Variants in TRPC4AP observed in about 807,000 individuals in gnomAD.
TRPC4AP encodes the protein transient receptor potential cation channel subfamily C member 4 associated protein.
Under a neutral mutation model 99.0 loss-of-function variants are expected in TRPC4AP, and 45 were observed. The ratio of observed to expected loss-of-function variants is 0.45; its 90% CI spans 0.36 to 0.58. The LOEUF (loss-of-function observed/expected upper bound fraction) is 0.58. Among genes scored for constraint, TRPC4AP ranks in the 20% least tolerant of loss-of-function variants. The probability of loss-of-function intolerance (pLI) is 0.00; values close to 1 mark genes in which losing one functional copy is unlikely to be tolerated. For missense variants in TRPC4AP, 879 were observed against 985.3 expected (o/e 0.89, Z 1.44); for synonymous variants, 408 against 385.8 (o/e 1.06, Z -0.67).
chr20:35,057,833 C>T (rs2083877469), intron 3 of TRPC4AP, among the ~76,000 whole-genome samples: 1 of 152,146 alleles, frequency 6.6e-6, no homozygotes, highest in African/African-American at 2.4e-5. Flanking sequence ...ATTAGGTAAT[C>T]TCTGGGATCT....
At chr20:35,005,301 A>G (rs1174155551) in intron 16 of TRPC4AP, among the ~76,000 whole-genome samples, 1 of 152,146 alleles carries the variant, frequency 6.6e-6, no homozygotes, top group Non-Finnish European at 1.5e-5. Flanking sequence ...CTCTCCTAGG[A>G]AAAAAAGGAA....
intron 3 of TRPC4AP, among the ~76,000 whole-genome samples, chr20:35,068,874 T>C (rs895999315): frequency 1.3e-5 from 2 of 149,370 alleles, no homozygotes; most frequent in Non-Finnish European, 3.0e-5. Context: ...TACAGAATAG[T>C]GTAGCCGTGT....
At position 35,086,483 on chromosome 20, in the gene TRPC4AP, GTGTATATA is replaced by G. The variant is rs1569157676; in HGVS notation, c.168+6123_168+6130del. On this transcript the variant is annotated intron_variant, in intron 1 of 18. Coordinates refer to ENST00000252015, the MANE Select transcript of TRPC4AP (RefSeq NM_015638.3). The stretch of plus-strand genomic sequence containing the variant: ...TGTGTGTGTGTGTGTGTGTATGTGT[GTGTATATA>G]TATATGTGTATATATATGTGTGTGT... Among the ~76,000 whole-genome samples the G allele has an allele frequency of 1.5e-4, 17 of 117,092 alleles. 1 individual carries two copies. Among genetic ancestry groups the G allele is most frequent in the African/African-American group, 6.7e-4 (17 of 25,248 alleles). The allele number at this position is 117,092 out of a possible 152,430, so 76.8% of individuals were successfully genotyped here.
chr20:35,004,116 G>A (rs912103763), intron 17 of TRPC4AP, among the ~76,000 whole-genome samples: 2 of 152,222 alleles, frequency 1.3e-5, no homozygotes, highest in Non-Finnish European at 2.9e-5. Flanking sequence ...AGGAGGCTCA[G>A]AGAAGGGAAG....
At chr20:35,083,121 G>T (rs1396723627) in intron 1 of TRPC4AP, among the ~76,000 whole-genome samples, 12 of 151,998 alleles carry the variant, frequency 7.9e-5, no homozygotes, top group Non-Finnish European at 1.8e-4. Flanking sequence ...CAATCCAAAA[G>T]AACCTAAATG....
At chr20:35,015,736 C>T (rs970988999) in intron 10 of TRPC4AP, among the ~76,000 whole-genome samples, 8 of 152,004 alleles carry the variant, frequency 5.3e-5, no homozygotes, top group East Asian at 3.9e-4. Context: ...GTGATCTGCC[C>T]GCTCGGCCTC....
chr20:35,018,604 G>GAAAAAAAAAAAAAAA lies in TRPC4AP; in HGVS notation c.1219-2480_1219-2466dup, dbSNP rs11479211. Among the ~76,000 whole-genome samples, 108 of 88,872 alleles carry GAAAAAAAAAAAAAAA rather than the reference G, an allele frequency of 1.2e-3. 1 individual carries two copies. Among genetic ancestry groups the GAAAAAAAAAAAAAAA allele is most frequent in the Non-Finnish European group, 1.4e-3 (65 of 46,542 alleles). 58.3% of individuals were successfully genotyped at this position (88,872 alleles called of 152,430 possible). A position where few individuals can be genotyped will look rare whatever the true frequency, so the allele number is the denominator to read the frequency against. ...GCAGAGCAAGACTGTCTCAAAAAAA[G>GAAAAAAAAAAAAAAA]AAAAAAAAAAAAAAAAAAAAAAGAA... On this transcript the variant is annotated intron_variant, in intron 9 of 18. Coordinates refer to ENST00000252015, the MANE Select transcript of TRPC4AP (RefSeq NM_015638.3).
chr20:35,045,374 A>G (rs2147362959), intron 6 of TRPC4AP, among the ~76,000 whole-genome samples: 1 of 152,228 alleles, frequency 6.6e-6, no homozygotes, highest in Admixed American at 6.5e-5. Flanking sequence ...CAGTTTAATC[A>G]TCTCTCTCTT....
intron 2 of TRPC4AP, among the ~76,000 whole-genome samples, chr20:35,076,072 C>A (rs999444097): frequency 1.3e-5 from 2 of 152,130 alleles, no homozygotes; most frequent in African/African-American, 4.8e-5. Flanking sequence ...CTTGTGCATG[C>A]GTCACGTAGT....
intron 1 of TRPC4AP, among the ~76,000 whole-genome samples, chr20:35,090,377 C>CTTT (rs71196792): frequency 2.2e-5 from 2 of 88,992 alleles, no homozygotes; most frequent in African/African-American, 9.3e-5. Flanking sequence ...ATCTGGTGAG[C>CTTT]TTTTTTTTTT....
chr20:35,056,985 C>CAA (rs398035624), intron 4 of TRPC4AP, among the ~76,000 whole-genome samples: 2 of 90,290 alleles, frequency 2.2e-5, no homozygotes, highest in East Asian at 3.3e-4. Context: ...GAGACTGTCT[C>CAA]AAAAAAAAAA....
At chr20:35,085,390 T>C (rs562295905) in intron 1 of TRPC4AP, among the ~76,000 whole-genome samples, 8 of 152,282 alleles carry the variant, frequency 5.3e-5, no homozygotes, top group South Asian at 2.1e-4. Flanking sequence ...GGTAGGCCCA[T>C]TGCTTGATCC....
chr20:35,091,187 G>T (rs2085054205), intron 1 of TRPC4AP, among the ~76,000 whole-genome samples: 1 of 151,702 alleles, frequency 6.6e-6, no homozygotes. Flanking sequence ...ACAGGATTTT[G>T]CCGTGTTGCC....
At chr20:35,003,638 G>A (rs1444250493) in intron 17 of TRPC4AP, 22 bp from the exon 18 acceptor site, 1 of 1,607,490 alleles carries the variant, frequency 6.2e-7, no homozygotes. Flanking sequence ...CAGGCCCACA[G>A]GGTCAGGGGC....
intron 7 of TRPC4AP, among the ~76,000 whole-genome samples, chr20:35,043,386 A>G (rs2083484951): frequency 6.6e-6 from 1 of 152,012 alleles, no homozygotes; most frequent in Admixed American, 6.6e-5. Context: ...AACTGGGACT[A>G]CAGGCGTGCA....
intron 6 of TRPC4AP, among the ~76,000 whole-genome samples, chr20:35,047,944 C>G (rs1204057613): frequency 6.6e-6 from 1 of 150,848 alleles, no homozygotes; most frequent in African/African-American, 2.4e-5. Context: ...TGTTCAACTA[C>G]AAAACAAAAA....
rs1003944755 is a variant in TRPC4AP at position 35,006,001 on chromosome 20, C to T, written c.1828-198G>A. Among the ~76,000 whole-genome samples, 11 of 152,244 alleles carry T rather than the reference C, an allele frequency of 7.2e-5. 1 individual carries two copies. Among genetic ancestry groups the T allele is most frequent in the Admixed American group, 7.2e-4 (11 of 15,290 alleles). ...AAGAGGCACTCCCCGGAATTCAGCACAGATCCGACACTCTCTCCAGTGGTT... is the reference window on the plus strand; with the variant it reads ...AAGAGGCACTCCCCGGAATTCAGCATAGATCCGACACTCTCTCCAGTGGTT... On this transcript the variant is annotated intron_variant, in intron 15 of 18. Coordinates refer to ENST00000252015, the MANE Select transcript of TRPC4AP (RefSeq NM_015638.3).
At chr20:35,036,146 A>G (rs1236016535) in intron 7 of TRPC4AP, among the ~76,000 whole-genome samples, 2 of 152,252 alleles carry the variant, frequency 1.3e-5, no homozygotes, top group Non-Finnish European at 2.9e-5. Context: ...ATATTAGAAC[A>G]TCATAAACTT....
intron 5 of TRPC4AP, among the ~76,000 whole-genome samples, chr20:35,051,137 G>A (rs1398563906): frequency 6.6e-6 from 1 of 150,704 alleles, no homozygotes; most frequent in African/African-American, 2.5e-5. Flanking sequence ...CTTTTTTTTA[G>A]CCTCTAAGCT....
Sources: gnomAD v4.1 joint callset for allele counts (sites outside exome capture counted in the v4.1 genomes callset) on GRCh38, gnomAD v4.1.1 for gene constraint, MANE v1.5 for transcripts, NCBI Gene and HGNC (gene_info 2026-07-23, HGNC 2026-07-21) for gene names.